Variants in SSH1 observed in about 807,000 individuals in gnomAD.
SSH1 encodes the protein protein phosphatase Slingshot homolog 1.
In SSH1, 43 loss-of-function variants were observed where a neutral mutation model predicts 79.7. That is an observed-to-expected ratio of 0.54 (90% CI 0.42 to 0.70). The LOEUF (loss-of-function observed/expected upper bound fraction) is 0.70. Among genes scored for constraint, SSH1 ranks in the 30% least tolerant of loss-of-function variants. The pLI, the probability that SSH1 is intolerant of heterozygous loss-of-function variation, is 0.00. For synonymous variants in SSH1, 599 were observed against 538.3 expected (o/e 1.11, Z -1.56); for missense variants, 1,206 against 1,358.8 (o/e 0.89, Z 1.77).
intron 3 of SSH1, among the ~76,000 whole-genome samples, chr12:108,819,581 T>G (rs2038038386): frequency 6.6e-6 from 1 of 152,094 alleles, no homozygotes; most frequent in Non-Finnish European, 1.5e-5. Context: ...GTAATCCCAG[T>G]GCTTTGGGAG....
At chr12:108,846,204 G>A (rs1371038551) in intron 2 of SSH1, among the ~76,000 whole-genome samples, 2 of 152,064 alleles carry the variant, frequency 1.3e-5, no homozygotes, top group Admixed American at 6.5e-5. Context: ...AGCTCGCTCT[G>A]GCCCAAACCT....
chr12:108,842,914 G>T (rs1007577501), intron 2 of SSH1, among the ~76,000 whole-genome samples: 3 of 152,196 alleles, frequency 2.0e-5, no homozygotes, highest in African/African-American at 7.2e-5. Flanking sequence ...TTTTCACAAA[G>T]ATTAACTGAA....
intron 2 of SSH1, among the ~76,000 whole-genome samples, chr12:108,836,011 AACTAT>A (rs2038611946): frequency 2.1e-5 from 3 of 145,384 alleles, no homozygotes; most frequent in South Asian, 2.2e-4. Context: ...AATCGATTAT[AACTAT>A]ATTAATATAA....
At position 108,818,252 on chromosome 12, in the gene SSH1, C is replaced by A. The variant is rs1401629639; in HGVS notation, c.276G>T (p.Lys92Asn). Reference sequence around the variant, plus strand: ...TGACATTCTCACTGCTTCTTACCAGCTTGATTCTGTCTTCGCAACGCAGAA... The same window carrying A: ...TGACATTCTCACTGCTTCTTACCAGATTGATTCTGTCTTCGCAACGCAGAA... ...INLLRCEDRI[K>N]LAVRLESAWA... Residue 92 changes from lysine to asparagine, a missense_variant, in exon 4 of 15, where the codon AAG becomes AAT. Coordinates refer to ENST00000326495, the MANE Select transcript of SSH1 (RefSeq NM_018984.4). 3 of 1,613,758 alleles carry A rather than the reference C, an allele frequency of 1.9e-6. No homozygotes were observed. The East Asian group carries it at 6.7e-5, about 36-fold the overall frequency.
At position 108,817,142 on chromosome 12, in the gene SSH1, G is replaced by A. The variant is rs1035092407; in HGVS notation, c.297C>T (p.Ser99=). 19 of 1,613,876 alleles carry A rather than the reference G, an allele frequency of 1.2e-5. No individual in the cohort carries two copies. Among genetic ancestry groups the A allele is most frequent in the Non-Finnish European group, 1.4e-5 (17 of 1,180,022 alleles). ...TGTACCGGACCCGGTCCGCCCAGGC[G>A]CTCTCCAGGCGCACTGCCTGGAACA... is the stretch of plus-strand genomic sequence containing the variant. ...DRIKLAVRLE[S]AWADRVRYMV... is the part of the protein sequence containing the mutation. Residue 99 remains serine, a synonymous_variant, in exon 5 of 15, where the codon AGC becomes AGT. Transcript: ENST00000326495.
At chr12:108,828,154 AAGAGGGAGG>A (rs1353372293) in intron 2 of SSH1, among the ~76,000 whole-genome samples, 1 of 152,212 alleles carries the variant, frequency 6.6e-6, no homozygotes, top group Non-Finnish European at 1.5e-5. Context: ...TAGGGTTTAC[AAGAGGGAGG>A]AGGGAGCATT....
Position 108,788,825 on chromosome 12 carries a change from C to T in SSH1, c.2313G>A (p.Val771=), listed in dbSNP as rs201700339. Residue 771 remains valine (V), a synonymous_variant, in exon 15 of 15, where the codon GTG becomes GTA. Transcript: ENST00000326495. ...HCDKNPPSTE[V]VIKEESSPKK... ...TGGGTGACGATTCTTCCTTTATTACCACTTCTGTGCTGGGAGGGTTCTTAT... is the reference window on the plus strand; with the variant it reads ...TGGGTGACGATTCTTCCTTTATTACTACTTCTGTGCTGGGAGGGTTCTTAT... 1.8e-5 allele frequency: 29 copies of T among 1,614,232 alleles called. 1 individual carries two copies. In the East Asian group the frequency reaches 5.8e-4, roughly 32 times the overall value.
chr12:108,799,112 C>T lies in SSH1; in HGVS notation c.1237G>A (p.Gly413Ser), dbSNP rs373482964. Residue 413 changes from glycine (G) to serine (S), a missense_variant, in exon 13 of 15, where the codon GGC becomes AGC. Gly to Ser is a moderately conservative substitution (Grantham distance 56). Transcript: ENST00000326495. Reference protein sequence around the residue: ...TVIAYAMKEFGWPLEKAYNYV... With the variant: ...TVIAYAMKEFSWPLEKAYNYV... ...TTATATGCTTTTTCCAGAGGCCAGC[C>T]GAATTCCTTCATTGCATAGGCTATG... The T allele has an allele frequency of 3.7e-6, 6 of 1,614,098 alleles. No homozygotes were observed. The highest frequency in any genetic ancestry group is 2.2e-5 in the South Asian group (2 of 91,088).
In SSH1 at chr12:108,857,060, G is replaced by A. The variant is rs548215926; in HGVS notation, c.69+368C>T. Reference sequence around the variant, plus strand: ...CACAGTCACCCTTAGGGGTCACAACGCACACAGTCTCCGCCTAACAGGGGT... The same window carrying A: ...CACAGTCACCCTTAGGGGTCACAACACACACAGTCTCCGCCTAACAGGGGT... On this transcript the variant is annotated intron_variant, in intron 1 of 14. Coordinates refer to ENST00000326495, the MANE Select transcript of SSH1 (RefSeq NM_018984.4). The surrounding 1 kb of genome is among the most constrained non-coding windows in gnomAD (Gnocchi z 4.7). Among the ~76,000 whole-genome samples the A allele has an allele frequency of 1.6e-4, 24 of 152,362 alleles. No homozygotes were observed. The East Asian group carries it at 4.4e-3, about 28-fold the overall frequency.
intron 3 of SSH1, among the ~76,000 whole-genome samples, chr12:108,821,556 T>C (rs891352547): frequency 1.3e-5 from 2 of 152,164 alleles, no homozygotes; most frequent in African/African-American, 4.8e-5. Context: ...ATTTCCATAT[T>C]GTCTGAGGCA....
intron 2 of SSH1, among the ~76,000 whole-genome samples, chr12:108,839,239 A>C (rs1340969247): frequency 1.3e-5 from 2 of 152,150 alleles, no homozygotes; most frequent in African/African-American, 4.8e-5. Flanking sequence ...TTTCCCTTCC[A>C]TCTCATGAGG....
chr12:108,817,606 G>C (rs905317773), intron 4 of SSH1, among the ~76,000 whole-genome samples: 1 of 151,374 alleles, frequency 6.6e-6, no homozygotes, highest in Non-Finnish European at 1.5e-5. Flanking sequence ...ACACAAAGCG[G>C]AAGTTCTTGA....
In SSH1 at chr12:108,788,008, A is replaced by G. The variant is rs750696194; in HGVS notation, c.3130T>C (p.Ser1044Pro). The G allele has an allele frequency of 5.6e-6, 9 of 1,614,074 alleles. No individual in the cohort carries two copies. Among genetic ancestry groups the G allele is most frequent in the East Asian group, 4.5e-5 (2 of 44,874 alleles). Residue 1044 changes from serine (S) to proline (P), a missense_variant, in exon 15 of 15, where the codon TCG becomes CCG. Ser to Pro is a moderately conservative substitution (Grantham distance 74). Transcript: ENST00000326495. Reference protein sequence around the residue: ...KPAPENLKSPSWMSKS With the variant: ...KPAPENLKSPPWMSKS ...GCGGGTCAGCTTTTGCTCATCCACGAAGGGCTCTTTAAGTTTTCTGGGGCG... is the reference window on the plus strand; with the variant it reads ...GCGGGTCAGCTTTTGCTCATCCACGGAGGGCTCTTTAAGTTTTCTGGGGCG...
At chr12:108,848,157 G>C (rs562707152) in intron 2 of SSH1, among the ~76,000 whole-genome samples, 7 of 152,178 alleles carry the variant, frequency 4.6e-5, no homozygotes, top group Non-Finnish European at 8.8e-5. Flanking sequence ...GGACCAGGGG[G>C]TGATATGCCA....
chr12:108,818,189 C>G, intron 4 of SSH1, 60 bp downstream of exon 4: 22,427 of 947,522 alleles, frequency 0.024, no homozygotes, highest in Non-Finnish European at 0.035. Context: ...CAGAGCAAGA[C>G]CCTCATCTCA....
rs1035154726 is a variant in SSH1 at position 108,787,731 on chromosome 12, C to T, written c.*257G>A. The T allele has an allele frequency of 1.7e-5, 9 of 539,574 alleles. No homozygotes were observed. Among genetic ancestry groups the T allele is most frequent in the South Asian group, 8.3e-5 (4 of 48,392 alleles). The allele number at this position is 539,574 out of a possible 1,614,324, so 33.4% of individuals were successfully genotyped here. A position where few individuals can be genotyped will look rare whatever the true frequency, so the allele number is the denominator to read the frequency against. The stretch of plus-strand genomic sequence containing the variant: ...TAAAACATGGTTCTTCTTGAAGACA[C>T]GGTGGGAGCGGAGTTTTGTGTCTCC... On this transcript the variant is annotated 3_prime_UTR_variant, in exon 15 of 15. Transcript: ENST00000326495.
Position 108,857,441 on chromosome 12 carries a change from GC to G in SSH1, c.55del (p.Ala19ProfsTer16). ...CCCGGGGCTCACCTCGCTGTTGCTG[GC>G]CGAGGAGGAGGCGGCGCTGGGCGTG... is the stretch of plus-strand genomic sequence containing the variant. ...SPTPSAASSS[A>X]SNSELEAGSE... is the part of the protein sequence containing the mutation. On this transcript the variant is annotated frameshift_variant, in exon 1 of 15. Coordinates refer to ENST00000326495, the MANE Select transcript of SSH1 (RefSeq NM_018984.4). LOFTEE classifies it high-confidence loss of function. This position sits in a 1 kb window ranked among gnomAD's most constrained non-coding sequence, Gnocchi z 4.7. 1 of 1,111,110 alleles carries G rather than the reference GC, an allele frequency of 9.0e-7. No homozygotes were observed. Among genetic ancestry groups the G allele is most frequent in the Non-Finnish European group, 1.1e-6 (1 of 894,740 alleles). The allele number at this position is 1,111,110 out of a possible 1,614,324, so 68.8% of individuals were successfully genotyped here. A position where few individuals can be genotyped will look rare whatever the true frequency, so the allele number is the denominator to read the frequency against.
At chr12:108,791,515 G>A (rs1201041435) in intron 14 of SSH1, among the ~76,000 whole-genome samples, 1 of 152,220 alleles carries the variant, frequency 6.6e-6, no homozygotes, top group East Asian at 1.9e-4. Context: ...ACTCAAACCT[G>A]TAATTCCAGC....
chr12:108,807,256 C>A lies in SSH1; in HGVS notation c.731+377G>T, dbSNP rs766855346. Among the ~76,000 whole-genome samples, 1 of 152,014 alleles carries A rather than the reference C, an allele frequency of 6.6e-6. No homozygotes were observed. Among genetic ancestry groups the A allele is most frequent in the Non-Finnish European group, 1.5e-5 (1 of 68,004 alleles). On this transcript the variant is annotated intron_variant, in intron 8 of 14. Coordinates refer to ENST00000326495, the MANE Select transcript of SSH1 (RefSeq NM_018984.4). The surrounding 1 kb of genome is among the most constrained non-coding windows in gnomAD (Gnocchi z 5.2). ...ATTCCTAACTCTCCTCAGAGCAGAG[C>A]GGGAGGCTCTGAGAATTAAGTCTCT...
Sources: gnomAD v4.1 joint callset for allele counts (sites outside exome capture counted in the v4.1 genomes callset) on GRCh38, gnomAD v4.1.1 for gene constraint, Gnocchi (gnomAD v3.1) non-coding constraint, MANE v1.5 for transcripts, NCBI Gene and HGNC (gene_info 2026-07-23, HGNC 2026-07-21) for gene names.